SREK1IP1: variants seen among roughly 807,000 people sequenced by gnomAD.
SREK1IP1 encodes protein SREK1IP1.
Under a neutral mutation model 22.8 loss-of-function variants are expected in SREK1IP1, and 12 were observed. That is an observed-to-expected ratio of 0.53 (90% confidence interval 0.34 to 0.85). SREK1IP1 has a LOEUF of 0.85. SREK1IP1 is among the 40% of genes least tolerant of loss of function. The pLI is 0.02. For synonymous variants in SREK1IP1, 53 were observed against 52.7 expected (o/e 1.01, Z -0.02); for missense variants, 147 against 171.8 (o/e 0.86, Z 0.81).
At chr5:64,746,629 A>T (rs1396746377) in intron 2 of SREK1IP1, among the ~76,000 whole-genome samples, 1 of 152,172 alleles carries the variant, frequency 6.6e-6, no homozygotes, top group Non-Finnish European at 1.5e-5. Flanking sequence ...CAAAACCACA[A>T]TGAGGTACCA....
intron 1 of SREK1IP1, among the ~76,000 whole-genome samples, chr5:64,765,911 T>C (rs1316390795): frequency 6.6e-6 from 1 of 152,218 alleles, no homozygotes; most frequent in Non-Finnish European, 1.5e-5. Flanking sequence ...GCTCAAGTAA[T>C]GAAATGAGCA....
At chr5:64,731,624 A>G (rs1325496872) in intron 3 of SREK1IP1, among the ~76,000 whole-genome samples, 1 of 152,142 alleles carries the variant, frequency 6.6e-6, no homozygotes, top group Non-Finnish European at 1.5e-5. Flanking sequence ...CAGGAAAGCC[A>G]AATGACAGGA....
At chr5:64,764,802 T>C (rs925478494) in intron 1 of SREK1IP1, among the ~76,000 whole-genome samples, 1 of 152,196 alleles carries the variant, frequency 6.6e-6, no homozygotes, top group African/African-American at 2.4e-5. Context: ...CAATGTGCAA[T>C]ATAGACTAGA....
At chr5:64,747,173 C>A (rs1309131937) in intron 2 of SREK1IP1, among the ~76,000 whole-genome samples, 1 of 152,074 alleles carries the variant, frequency 6.6e-6, no homozygotes, top group Non-Finnish European at 1.5e-5. Flanking sequence ...TTATGAAGGC[C>A]CCATTAGATA....
intron 3 of SREK1IP1, among the ~76,000 whole-genome samples, chr5:64,739,293 G>C (rs531555615): frequency 1.3e-5 from 2 of 152,196 alleles, no homozygotes; most frequent in East Asian, 3.9e-4. Context: ...CCTGCTTTCA[G>C]CTATGGTTAG....
At chr5:64,754,613 G>GA in intron 1 of SREK1IP1, 1 of 379,274 alleles carries the variant, frequency 2.6e-6, no homozygotes, top group Non-Finnish European at 4.9e-6. Context: ...ACAGGCATGT[G>GA]CCACCACACC....
At chr5:64,767,466 CCT>C (rs1743060513) in intron 1 of SREK1IP1, among the ~76,000 whole-genome samples, 3 of 152,262 alleles carry the variant, frequency 2.0e-5, no homozygotes, top group Admixed American at 1.3e-4. Context: ...GTGTACATTT[CCT>C]CTCTCACAGC....
intron 3 of SREK1IP1, among the ~76,000 whole-genome samples, chr5:64,734,492 C>CT (rs150375379): frequency 0.043 from 6,467 of 150,220 alleles, 393 homozygotes; most frequent in African/African-American, 0.13. Context: ...ATTGTGATTC[C>CT]TTTTTTTTTA....
rs181539904 is a variant in SREK1IP1, at chr5:64,748,794, G to A, written c.61+5521C>T. 4.4e-3 allele frequency among the ~76,000 whole-genome samples: 671 copies of A among 152,260 alleles called. 6 individuals are homozygous for A. Among genetic ancestry groups the A allele is most frequent in the African/African-American group, 0.016 (655 of 41,538 alleles). Reference sequence around the variant, plus strand: ...ACAGTGATCAAGCAATTTGCCTAATGTCACATAGCTAGTAAGTGCCAGCAG... The same window carrying A: ...ACAGTGATCAAGCAATTTGCCTAATATCACATAGCTAGTAAGTGCCAGCAG... On this transcript the variant is annotated intron_variant, in intron 2 of 4. Transcript: ENST00000513458.
intron 2 of SREK1IP1, among the ~76,000 whole-genome samples, chr5:64,749,087 AT>A (rs1742696649): frequency 1.4e-5 from 2 of 147,732 alleles, no homozygotes; most frequent in African/African-American, 4.9e-5. Flanking sequence ...AATAATAATA[AT>A]AATAATAATA....
rs116691990 is a variant in SREK1IP1 at position 64,763,192 on chromosome 5, T to G, written c.13+5313A>C. Among the ~76,000 whole-genome samples, 566 of 152,314 alleles carry G rather than the reference T, an allele frequency of 3.7e-3. 1 individual carries two copies. Among genetic ancestry groups the G allele is most frequent in the Non-Finnish European group, 6.0e-3 (410 of 68,022 alleles). ...CTGATATGAAATGTATAAAACTCTT[T>G]AGTCTACATGCCTCACAAAGTACAA... On this transcript the variant is annotated intron_variant, in intron 1 of 4. Coordinates refer to ENST00000513458, the MANE Select transcript of SREK1IP1 (RefSeq NM_173829.4).
intron 2 of SREK1IP1, among the ~76,000 whole-genome samples, chr5:64,745,143 C>T (rs1216449258): frequency 6.6e-6 from 1 of 152,204 alleles, no homozygotes; most frequent in Non-Finnish European, 1.5e-5. Context: ...TCTTGTCTAG[C>T]ACCTGGGGAT....
intron 1 of SREK1IP1, among the ~76,000 whole-genome samples, chr5:64,765,394 G>A (rs1183541349): frequency 6.6e-6 from 1 of 152,092 alleles, no homozygotes; most frequent in Non-Finnish European, 1.5e-5. Flanking sequence ...TCACTAGCAG[G>A]ACCACCCCAA....
chr5:64,760,525 CTACATGCAGACTGA>C (rs1742931349), intron 1 of SREK1IP1, among the ~76,000 whole-genome samples: 1 of 152,178 alleles, frequency 6.6e-6, no homozygotes, highest in African/African-American at 2.4e-5. Flanking sequence ...GATAGAAAAG[CTACATGCAGACTGA>C]TAGGCCTGCA....
intron 1 of SREK1IP1, among the ~76,000 whole-genome samples, chr5:64,766,475 A>ATC (rs1304799430): frequency 6.6e-6 from 1 of 152,242 alleles, no homozygotes; most frequent in African/African-American, 2.4e-5. Context: ...TTGAGACCAC[A>ATC]TCTCAGCCAC....
intron 2 of SREK1IP1, among the ~76,000 whole-genome samples, chr5:64,744,122 C>A (rs1334196888): frequency 6.6e-6 from 1 of 151,986 alleles, no homozygotes; most frequent in Non-Finnish European, 1.5e-5. Context: ...GGCATTCCAC[C>A]AGAAAAGGGA....
intron 2 of SREK1IP1, among the ~76,000 whole-genome samples, chr5:64,752,067 C>T (rs796524183): frequency 2.6e-5 from 4 of 151,506 alleles, no homozygotes; most frequent in African/African-American, 4.8e-5. Flanking sequence ...TTAAATATTC[C>T]GAAGTTACCA....
intron 3 of SREK1IP1, among the ~76,000 whole-genome samples, chr5:64,740,441 T>C (rs1207982010): frequency 3.3e-5 from 5 of 152,178 alleles, no homozygotes; most frequent in African/African-American, 9.6e-5. Context: ...GTATGTTTCA[T>C]GACCAAATCA....
In SREK1IP1 at chr5:64,724,470, C is replaced by T; in HGVS notation, c.382G>A (p.Gly128Arg). The T allele has an allele frequency of 6.3e-7, 1 of 1,590,742 alleles. No homozygotes were observed. Among genetic ancestry groups the T allele is most frequent in the Non-Finnish European group, 8.5e-7 (1 of 1,172,874 alleles). Residue 128 changes from glycine (G) to arginine (R), a missense_variant, in exon 5 of 5, where the codon GGG becomes AGG. Physicochemically the swap from Gly to Arg is moderately radical, Grantham distance 125. Coordinates refer to ENST00000513458, the MANE Select transcript of SREK1IP1 (RefSeq NM_173829.4). ...KKEKKSKSKK[G>R]KHHKKEKKKR... ...TTTTTTTCCTTTTTGTGATGTTTCC[C>T]TTTTTTTGATTTACTCTTTTTTTCT...
Sources: allele counts gnomAD v4.1 joint callset (sites outside exome capture counted in the v4.1 genomes callset), GRCh38; gene constraint gnomAD v4.1.1; transcripts MANE v1.5; gene names NCBI Gene and HGNC (gene_info 2026-07-23, HGNC 2026-07-21).